The following SLC9A7 variants were observed in gnomAD, a reference collection of about 807,000 sequenced individuals.
The protein encoded by SLC9A7 is sodium/hydrogen exchanger 7.
In SLC9A7, 19 loss-of-function variants were observed where a neutral mutation model predicts 52.6. The ratio of observed to expected loss-of-function variants is 0.36; its 90% CI spans 0.25 to 0.53. The LOEUF is 0.53. Among genes scored for constraint, SLC9A7 ranks in the 20% least tolerant of loss-of-function variants. The pLI is 0.91. For missense variants in SLC9A7, 455 were observed against 597.9 expected, an observed-to-expected ratio of 0.76 and a Z score of 2.49; for synonymous variants, 226 against 252.1, an observed-to-expected ratio of 0.90 and a Z score of 0.98.
chrX:46,731,047 G>A (rs1318940030), intron 1 of SLC9A7, among the ~76,000 whole-genome samples: 1 of 109,409 alleles, frequency 9.1e-6, no homozygotes, highest in Non-Finnish European at 1.9e-5. Flanking sequence ...GCAATGAGAA[G>A]CCACTAGCCC....
chrX:46,645,592 C>T (rs1388966919), intron 11 of SLC9A7, among the ~76,000 whole-genome samples: 1 of 107,753 alleles, frequency 9.3e-6, no homozygotes, highest in African/African-American at 3.5e-5. Flanking sequence ...ATTCTCCTTT[C>T]CAACCTCACC....
At chrX:46,724,429 C>T (rs904358360) in intron 1 of SLC9A7, among the ~76,000 whole-genome samples, 1 of 112,143 alleles carries the variant, frequency 8.9e-6, no homozygotes, top group African/African-American at 3.2e-5. Context: ...GCTAAAATGA[C>T]ATTAAAATTC....
intron 1 of SLC9A7, among the ~76,000 whole-genome samples, chrX:46,757,296 A>G (rs1403828818): frequency 2.7e-5 from 3 of 111,849 alleles, no homozygotes; most frequent in Non-Finnish European, 1.9e-5. Context: ...TGGAGGCCAA[A>G]GTCTGTGTTG....
At position 46,682,527 on chromosome X, in the gene SLC9A7, C is replaced by A; in HGVS notation, c.334G>T (p.Val112Phe). ...TGLAMIYGLI[V>F]GVILRYGTPA... is the part of the protein sequence containing the mutation. ...GTACCATACCTCAGGATCACCCCAA[C>A]GATGAGCCCTGAAAGAGTGGAAAAA... The change falls in exon 2 of 17, where the codon GTT (valine) becomes TTT (phenylalanine). Residue 112 changes from valine to phenylalanine, a missense_variant. Physicochemically the swap from Val to Phe is conservative, Grantham distance 50. Transcript: ENST00000616978. 1 of 1,208,613 alleles carries A rather than the reference C, an allele frequency of 8.3e-7. No homozygotes were observed. The highest frequency in any genetic ancestry group is 1.1e-6 in the Non-Finnish European group (1 of 893,744).
intron 8 of SLC9A7, 29 bp downstream of exon 8, chrX:46,653,580 A>G: frequency 9.4e-7 from 1 of 1,059,443 alleles, no homozygotes; most frequent in East Asian, 3.0e-5. Flanking sequence ...AGTGAGGGGA[A>G]GGGTGGTCCA....
rs895445599 is a variant in SLC9A7 at position 46,606,751 on chromosome X, G to A, written c.*201C>T. ...GTGAAAAAAGTGGGAATAGGTCTAC[G>A]TTTGTCTGAATTTAGAGACACTTTT... On this transcript the variant is annotated 3_prime_UTR_variant, in exon 17 of 17. Transcript: ENST00000616978. 1.3e-5 allele frequency: 14 copies of A among 1,084,981 alleles called. No individual in the cohort carries two copies. The highest frequency in any genetic ancestry group is 1.9e-5 in the African/African-American group (1 of 52,820). 89.4% of individuals were successfully genotyped at this position (1,084,981 alleles called of 1,213,427 possible). A position where few individuals can be genotyped will look rare whatever the true frequency, so the allele number is the denominator to read the frequency against.
rs1221350906 is a variant in SLC9A7, at chrX:46,602,844, A to C, written c.*4108T>G. On this transcript the variant is annotated 3_prime_UTR_variant, in exon 17 of 17. Coordinates refer to ENST00000616978, the MANE Select transcript of SLC9A7 (RefSeq NM_001257291.2). Reference sequence around the variant, plus strand: ...GCAAAATTCTTCTAGATGTGGAACCACTTGACGAATGGATTCACATTCCCA... The same window carrying C: ...GCAAAATTCTTCTAGATGTGGAACCCCTTGACGAATGGATTCACATTCCCA... The C allele has an allele frequency of 8.9e-6, 1 of 112,602 alleles. No individual in the cohort carries two copies. The highest frequency in any genetic ancestry group is 1.9e-5 in the Non-Finnish European group (1 of 53,347). 9.3% of individuals were successfully genotyped at this position (112,602 alleles called of 1,213,427 possible).
At chrX:46,745,075 T>C (rs1921641803) in intron 1 of SLC9A7, among the ~76,000 whole-genome samples, 1 of 110,204 alleles carries the variant, frequency 9.1e-6, no homozygotes, top group African/African-American at 3.3e-5. Flanking sequence ...TAGAAGAGAG[T>C]CAAAGGTTTA....
intron 1 of SLC9A7, among the ~76,000 whole-genome samples, chrX:46,693,207 C>A (rs1295793153): frequency 8.9e-6 from 1 of 111,832 alleles, no homozygotes; most frequent in Non-Finnish European, 1.9e-5. Flanking sequence ...CAATTCCTAT[C>A]AAAATTCCAG....
chrX:46,725,292 G>A (rs1944925059), intron 1 of SLC9A7: 2 of 1,145,883 alleles, frequency 1.7e-6, no homozygotes, highest in South Asian at 3.6e-5. Flanking sequence ...GTCTTCATCA[G>A]CCAGAAGCTC....
chrX:46,733,116 T>C (rs990936552), intron 1 of SLC9A7, among the ~76,000 whole-genome samples: 2 of 110,409 alleles, frequency 1.8e-5, no homozygotes, highest in Admixed American at 9.6e-5. Flanking sequence ...AAATGGAGAG[T>C]TGGGGGTGAG....
intron 1 of SLC9A7, among the ~76,000 whole-genome samples, chrX:46,700,473 A>G (rs868719823): frequency 8.9e-6 from 1 of 112,349 alleles, no homozygotes; most frequent in Non-Finnish European, 1.9e-5. Flanking sequence ...GCTAAACATC[A>G]GCTACGCTTT....
rs1922911468 is a variant in SLC9A7 at position 46,758,953 on chromosome X, G to T, written c.77C>A (p.Pro26Gln). The T allele has an allele frequency of 9.3e-7, 1 of 1,073,068 alleles. No individual in the cohort carries two copies. The highest frequency in any genetic ancestry group is 3.9e-5 in the East Asian group (1 of 25,362). 88.4% of individuals were successfully genotyped at this position (1,073,068 alleles called of 1,213,427 possible). Residue 26 changes from proline to glutamine, a missense_variant, in exon 1 of 17, where the codon CCG becomes CAG. Pro to Gln is a moderately conservative substitution (Grantham distance 76). Transcript: ENST00000616978. ...GAPPPRLLLL[P>Q]LLLGWGLRVA... is the part of the protein sequence containing the mutation. ...TCGCAGCCCCCAACCCAGCAGCAGC[G>T]GCAGCAGCAGCAGCCGCGGCGGCGG...
Position 46,653,674 on chromosome X carries a change from T to G in SLC9A7, c.1082A>C (p.Glu361Ala), listed in dbSNP as rs1943620778. ...FTKLHCFPLL[E>A]TALFFLMSWS... Reference sequence around the variant, plus strand: ...GGACATGAGGAAGAACAGCGCCGTCTCCAGCAGGGGGAAGCAGTGCAGTTT... The same window carrying G: ...GGACATGAGGAAGAACAGCGCCGTCGCCAGCAGGGGGAAGCAGTGCAGTTT... Residue 361 changes from glutamate to alanine, a missense_variant, in exon 8 of 17, where the codon GAG (glutamate) becomes GCG (alanine). Coordinates refer to ENST00000616978, the MANE Select transcript of SLC9A7 (RefSeq NM_001257291.2). 1 of 1,208,938 alleles carries G rather than the reference T, an allele frequency of 8.3e-7. No homozygotes were observed. Among genetic ancestry groups the G allele is most frequent in the Non-Finnish European group, 1.1e-6 (1 of 894,745 alleles).
chrX:46,626,587 G>A (rs186975819), intron 14 of SLC9A7, among the ~76,000 whole-genome samples: 62 of 112,847 alleles, frequency 5.5e-4, no homozygotes, highest in Non-Finnish European at 9.0e-4. Context: ...GGCCTGGTAT[G>A]TTTGGGCTCT....
intron 1 of SLC9A7, among the ~76,000 whole-genome samples, chrX:46,720,758 C>T (rs1944847922): frequency 9.0e-6 from 1 of 111,682 alleles, no homozygotes; most frequent in South Asian, 3.7e-4. Flanking sequence ...CCAAGACCTC[C>T]CTCACAGCCG....
chrX:46,722,385 ATGTT>A (rs1035538202), intron 1 of SLC9A7, among the ~76,000 whole-genome samples: 1 of 111,959 alleles, frequency 8.9e-6, no homozygotes, highest in Non-Finnish European at 1.9e-5. Flanking sequence ...TTCTGTGACA[ATGTT>A]TGTTAATCTA....
chrX:46,723,961 C>T (rs1328989416), intron 1 of SLC9A7, among the ~76,000 whole-genome samples: 1 of 111,420 alleles, frequency 9.0e-6, no homozygotes, highest in African/African-American at 3.3e-5. Context: ...GGCGTGATGG[C>T]GCACGCCTGT....
At chrX:46,738,906 T>C (rs1298946910) in intron 1 of SLC9A7, among the ~76,000 whole-genome samples, 1 of 111,735 alleles carries the variant, frequency 8.9e-6, no homozygotes, top group East Asian at 2.8e-4. Context: ...ACTGTTAATG[T>C]GGCTCTCTGA....
Sources: allele counts gnomAD v4.1 joint callset (sites outside exome capture counted in the v4.1 genomes callset), GRCh38; gene constraint gnomAD v4.1.1; transcripts MANE v1.5; gene names NCBI Gene and HGNC (gene_info 2026-07-23, HGNC 2026-07-21).